RORB: variants seen among roughly 807,000 people sequenced by gnomAD.
The protein encoded by RORB is RAR related orphan receptor B.
Under a neutral mutation model 59.1 loss-of-function variants are expected in RORB, and 6 were observed. The ratio of observed to expected loss-of-function variants is 0.10; its 90% CI spans 0.06 to 0.20. The LOEUF (loss-of-function observed/expected upper bound fraction) is 0.20. Among genes scored for constraint, RORB ranks in the 10% least tolerant of loss-of-function variants. The probability of loss-of-function intolerance (pLI) is 1.00; values close to 1 mark genes in which losing one functional copy is unlikely to be tolerated. For synonymous variants in RORB, 215 were observed against 204.5 expected, an observed-to-expected ratio of 1.05 and a Z score of -0.44; for missense variants, 320 against 560.5, an observed-to-expected ratio of 0.57 and a Z score of 4.33.
intron 1 of RORB, among the ~76,000 whole-genome samples, chr9:74,521,312 G>T (rs1022823544): frequency 1.3e-4 from 20 of 151,778 alleles, no homozygotes; most frequent in African/African-American, 4.1e-4. Context: ...AGATCTGGGG[G>T]TGATAAATCA....
intron 7 of RORB, among the ~76,000 whole-genome samples, chr9:74,667,009 G>C (rs1021609158): frequency 1.3e-5 from 2 of 152,144 alleles, no homozygotes; most frequent in Non-Finnish European, 2.9e-5. Flanking sequence ...AAGTCCATCG[G>C]GGCTGGCAAT....
At position 74,692,055 on chromosome 9, in the gene RORB, T is replaced by A. The variant is rs143740959; in HGVS notation, c.*6437T>A. 2 of 152,362 alleles carry A rather than the reference T, an allele frequency of 1.3e-5. No individual in the cohort carries two copies. The highest frequency in any genetic ancestry group is 3.9e-4 in the East Asian group (2 of 5,192). 9.4% of individuals were successfully genotyped at this position (152,362 alleles called of 1,614,324 possible). The stretch of plus-strand genomic sequence containing the variant: ...ATAGCTTAAGGAAAACAAACTCCGC[T>A]TTCTGATGAACAAGATATTTTTGTA... On this transcript the variant is annotated 3_prime_UTR_variant, in exon 10 of 10. Coordinates refer to ENST00000376896, the MANE Select transcript of RORB (RefSeq NM_006914.4).
At chr9:74,511,186 C>T (rs575863854) in intron 1 of RORB, among the ~76,000 whole-genome samples, 8 of 152,146 alleles carry the variant, frequency 5.3e-5, no homozygotes, top group South Asian at 2.1e-4. Flanking sequence ...ATTCAATATA[C>T]GTCACTGGCA....
rs748494902 is a variant in RORB, at chr9:74,642,543, A to C, written c.365A>C (p.Tyr122Ser). Residue 122 changes from tyrosine (Y) to serine (S), a missense_variant, in exon 4 of 10, where the codon TAC (tyrosine) becomes TCC (serine). Around this residue, in one of 4 missense-constraint regions of RORB, gnomAD observed 134 missense variants for 156.2 expected, o/e 0.86. Transcript: ENST00000376896. The part of the protein sequence containing the change: ...SGEAEALARV[Y>S]SSSISNGLSN... ...GAGGCAGAAGCCCTTGCCAGGGTGT[A>C]CAGCAGCAGCATTAGCAACGGCCTG... The C allele has an allele frequency of 6.2e-7, 1 of 1,614,210 alleles. No homozygotes were observed. The highest frequency in any genetic ancestry group is 8.5e-7 in the Non-Finnish European group (1 of 1,180,028).
At chr9:74,501,776 A>G (rs1024650391) in intron 1 of RORB, among the ~76,000 whole-genome samples, 1 of 152,220 alleles carries the variant, frequency 6.6e-6, no homozygotes, top group Non-Finnish European at 1.5e-5. Flanking sequence ...CTTCTGGGAT[A>G]GGTATTAGTA....
intron 9 of RORB, among the ~76,000 whole-genome samples, chr9:74,682,343 T>G: frequency 6.7e-6 from 1 of 149,294 alleles, no homozygotes. Flanking sequence ...AAATGATGAG[T>G]TACTGGGTGC....
rs187868200 is a variant in RORB, at chr9:74,652,480, C to A, written c.638-8137C>A. ...ATGTTAATCACTTTATTAATCTATT[C>A]ATTCAATCTTTGCCCAGCTATTACT... On this transcript the variant is annotated intron_variant, in intron 4 of 9. Coordinates refer to ENST00000376896, the MANE Select transcript of RORB (RefSeq NM_006914.4). Among the ~76,000 whole-genome samples the A allele has an allele frequency of 2.4e-3, 368 of 152,302 alleles. 4 individuals carry two copies. Among genetic ancestry groups the A allele is most frequent in the African/African-American group, 7.8e-3 (326 of 41,574 alleles).
intron 9 of RORB, 26 bp from the exon 10 acceptor site, chr9:74,685,437 T>A (rs1278797611): frequency 6.3e-7 from 1 of 1,578,154 alleles, no homozygotes; most frequent in Admixed American, 1.7e-5. Flanking sequence ...CCTCTCTATC[T>A]CCCTCTCTGT....
At chr9:74,518,159 C>T (rs563258415) in intron 1 of RORB, among the ~76,000 whole-genome samples, 1 of 151,970 alleles carries the variant, frequency 6.6e-6, no homozygotes, top group Non-Finnish European at 1.5e-5. Context: ...GGTACACCTC[C>T]CTTACTCTAG....
At chr9:74,498,532 G>T (rs919064244) in intron 1 of RORB, 2 of 152,524 alleles carry the variant, frequency 1.3e-5, no homozygotes, top group African/African-American at 4.8e-5. Context: ...GAGGCTGGAC[G>T]CGGCTGAGGA....
chr9:74,502,824 C>T (rs1825820336), intron 1 of RORB, among the ~76,000 whole-genome samples: 1 of 151,908 alleles, frequency 6.6e-6, no homozygotes. Flanking sequence ...AATTGAAACA[C>T]ATCAAAGGTT....
At chr9:74,661,160 A>C (rs1183480528) in intron 5 of RORB, among the ~76,000 whole-genome samples, 1 of 152,196 alleles carries the variant, frequency 6.6e-6, no homozygotes, top group Non-Finnish European at 1.5e-5. Flanking sequence ...AGGCTTTCTA[A>C]AGTTTTTTCT....
chr9:74,600,850 T>G (rs1823043774), intron 1 of RORB, among the ~76,000 whole-genome samples: 1 of 152,176 alleles, frequency 6.6e-6, no homozygotes, highest in Non-Finnish European at 1.5e-5. Context: ...ACTACTTCTA[T>G]CTAGGGTTGA....
intron 1 of RORB, among the ~76,000 whole-genome samples, chr9:74,614,716 C>G (rs911223120): frequency 6.6e-6 from 1 of 152,094 alleles, no homozygotes; most frequent in East Asian, 1.9e-4. Flanking sequence ...ATGCAAGCAA[C>G]TGAGCAACTC....
chr9:74,652,001 T>G (rs148261174), intron 4 of RORB, among the ~76,000 whole-genome samples: 1 of 152,360 alleles, frequency 6.6e-6, no homozygotes, highest in East Asian at 1.9e-4. Flanking sequence ...AAGCACCCTC[T>G]TAGATAGTTA....
intron 4 of RORB, among the ~76,000 whole-genome samples, chr9:74,659,481 CTTGTT>C (rs139924184): frequency 1.4e-4 from 21 of 151,980 alleles, no homozygotes; most frequent in Admixed American, 2.6e-4. Flanking sequence ...TCACAGCAGG[CTTGTT>C]TTGTTTTGTT....
At chr9:74,662,766 C>T (rs1310945256) in intron 6 of RORB, among the ~76,000 whole-genome samples, 160 bp downstream of exon 6, 1 of 152,110 alleles carries the variant, frequency 6.6e-6, no homozygotes, top group African/African-American at 2.4e-5. Flanking sequence ...ATAAAAATGC[C>T]CTGATACTCA....
intron 1 of RORB, among the ~76,000 whole-genome samples, chr9:74,611,029 C>G (rs1432154792): frequency 6.6e-6 from 1 of 152,126 alleles, no homozygotes; most frequent in Non-Finnish European, 1.5e-5. Context: ...CCTCATTTCC[C>G]CCTGAATCTT....
At chr9:74,579,596 A>G (rs930828146) in intron 1 of RORB, among the ~76,000 whole-genome samples, 3 of 152,150 alleles carry the variant, frequency 2.0e-5, no homozygotes, top group Non-Finnish European at 4.4e-5. Flanking sequence ...CTGGATAACG[A>G]GCTTATTTGC....
Sources: gnomAD v4.1 joint callset for allele counts (sites outside exome capture counted in the v4.1 genomes callset) on GRCh38, gnomAD v4.1.1 for gene constraint, gnomAD v4.1.1 regional missense constraint, MANE v1.5 for transcripts, NCBI Gene and HGNC (gene_info 2026-07-23, HGNC 2026-07-21) for gene names.